Variants in FAM177A1 observed in about 807,000 individuals in gnomAD.
FAM177A1 encodes family with sequence similarity 177 member A1.
A neutral mutation model predicts 26.1 loss-of-function variants in FAM177A1; 22 were observed. The ratio of observed to expected loss-of-function variants is 0.84; its 90% CI spans 0.60 to 1.20. FAM177A1 has a LOEUF of 1.20. Among genes scored for constraint, FAM177A1 ranks in the 50% most tolerant of loss-of-function variants. The pLI is 0.00. For missense variants in FAM177A1, 296 were observed against 291.1 expected (o/e 1.02, Z -0.12); for synonymous variants, 95 against 99.3 (o/e 0.96, Z 0.26).
At chr14:35,077,822 C>T (rs1461779074) in intron 3 of FAM177A1, among the ~76,000 whole-genome samples, 1 of 152,144 alleles carries the variant, frequency 6.6e-6, no homozygotes, top group African/African-American at 2.4e-5. Flanking sequence ...TATTTTGCTG[C>T]TTTGTCATTT....
chr14:35,064,271 C>T (rs1336266433), intron 2 of FAM177A1, among the ~76,000 whole-genome samples: 1 of 151,964 alleles, frequency 6.6e-6, no homozygotes, highest in Admixed American at 6.6e-5. Flanking sequence ...CCTGTAATAC[C>T]AGCTACTCGG....
chr14:35,076,087 A>C (rs1483919394), intron 2 of FAM177A1, among the ~76,000 whole-genome samples: 4 of 152,336 alleles, frequency 2.6e-5, no homozygotes, highest in African/African-American at 9.6e-5. Context: ...CCATCCCATT[A>C]CTGGGTATAT....
chr14:35,056,778 C>A (rs1465030268), intron 2 of FAM177A1, among the ~76,000 whole-genome samples: 1 of 152,074 alleles, frequency 6.6e-6, no homozygotes, highest in Non-Finnish European at 1.5e-5. Context: ...TAAGATTGTT[C>A]CTTTTTGAGT....
intron 2 of FAM177A1, among the ~76,000 whole-genome samples, chr14:35,059,535 CTT>C (rs767772869): frequency 3.3e-5 from 4 of 120,438 alleles, no homozygotes; most frequent in Admixed American, 8.5e-5. Context: ...ATTTACATTT[CTT>C]TTTTTTTTTT....
At chr14:35,075,604 C>G (rs1369698707) in intron 2 of FAM177A1, among the ~76,000 whole-genome samples, 1 of 152,264 alleles carries the variant, frequency 6.6e-6, no homozygotes, top group African/African-American at 2.4e-5. Flanking sequence ...CAAATGGGAT[C>G]TAATTAAACT....
intron 2 of FAM177A1, among the ~76,000 whole-genome samples, chr14:35,061,568 A>T (rs1390655670): frequency 9.1e-6 from 1 of 109,574 alleles, no homozygotes; most frequent in Admixed American, 1.2e-4. Context: ...AACAATGAGA[A>T]CACATGGACA....
intron 2 of FAM177A1, among the ~76,000 whole-genome samples, chr14:35,059,061 G>T (rs1091349): frequency 0.21 from 31,712 of 151,632 alleles, 3,974 homozygotes; most frequent in Non-Finnish European, 0.29. Flanking sequence ...TCAGCCTCCC[G>T]AGTAGCTGGG....
intron 2 of FAM177A1, among the ~76,000 whole-genome samples, chr14:35,055,967 G>T (rs2045056085): frequency 1.3e-5 from 2 of 152,110 alleles, no homozygotes; most frequent in Admixed American, 6.6e-5. Context: ...GGTCAGTGAT[G>T]TTGAGCATCC....
At position 35,081,096 on chromosome 14, in the gene FAM177A1, T is replaced by G; in HGVS notation, c.579T>G (p.Thr193=). The G allele has an allele frequency of 1.2e-6, 2 of 1,613,670 alleles. No homozygotes were observed. The highest frequency in any genetic ancestry group is 1.7e-6 in the Non-Finnish European group (2 of 1,179,866). Residue 193 remains threonine, a synonymous_variant, in exon 5 of 5, where the codon ACT becomes ACG. Transcript: ENST00000280987. The stretch of plus-strand genomic sequence containing the variant: ...AATATCAACAGAATAAATTGCAGAC[T>G]GATTCCATTGTTCAGACAGATCAAC... The part of the protein sequence containing the change: ...EKQYQQNKLQ[T]DSIVQTDQPE...
At chr14:35,047,390 G>A (rs550944388) in intron 1 of FAM177A1, among the ~76,000 whole-genome samples, 33 of 152,292 alleles carry the variant, frequency 2.2e-4, no homozygotes, top group African/African-American at 7.9e-4. Flanking sequence ...AGTTCTGGCT[G>A]ACCACATTTC....
chr14:35,062,572 A>C (rs146552209), intron 2 of FAM177A1, among the ~76,000 whole-genome samples: 207 of 152,268 alleles, frequency 1.4e-3, no homozygotes, highest in African/African-American at 4.9e-3. Context: ...AAGAGAGATA[A>C]CTTGCCTCAC....
At chr14:35,079,124 G>C in intron 4 of FAM177A1, 100 bp downstream of exon 4, 1 of 728,108 alleles carries the variant, frequency 1.4e-6, no homozygotes, top group South Asian at 1.9e-5. Flanking sequence ...CCAACATGTA[G>C]CTCTCTTATG....
intron 1 of FAM177A1, chr14:35,050,723 C>T (rs1259934301): frequency 6.6e-6 from 1 of 152,128 alleles, no homozygotes; most frequent in East Asian, 1.9e-4. Context: ...GACATTAGAT[C>T]CATCCAGTTA....
At chr14:35,071,852 TC>T (rs1021375613) in intron 2 of FAM177A1, among the ~76,000 whole-genome samples, 16 of 152,252 alleles carry the variant, frequency 1.1e-4, no homozygotes, top group Admixed American at 9.2e-4. Flanking sequence ...AACTTTTTAT[TC>T]CCCCCAAACT....
At chr14:35,054,717 G>T (rs1166181112) in intron 2 of FAM177A1, 1 of 152,200 alleles carries the variant, frequency 6.6e-6, no homozygotes, top group East Asian at 1.9e-4. Context: ...GCTGACACCT[G>T]TAATCCCAGC....
chr14:35,071,003 C>CTTTCT (rs1555358665), intron 2 of FAM177A1, among the ~76,000 whole-genome samples: 2 of 145,280 alleles, frequency 1.4e-5, no homozygotes, highest in Admixed American at 6.9e-5. Context: ...TTCTTTCTTT[C>CTTTCT]TTTTTTTTTT....
intron 1 of FAM177A1, among the ~76,000 whole-genome samples, chr14:35,049,304 T>C (rs2044926294): frequency 6.6e-6 from 1 of 152,208 alleles, no homozygotes; most frequent in Non-Finnish European, 1.5e-5. Context: ...GATTGATTTA[T>C]TTGGTACCTC....
At chr14:35,066,817 A>G (rs548476298) in intron 2 of FAM177A1, among the ~76,000 whole-genome samples, 2 of 149,916 alleles carry the variant, frequency 1.3e-5, no homozygotes, top group African/African-American at 2.5e-5. Context: ...TTTTTTTGAG[A>G]CGGAGTTTTG....
chr14:35,057,008 T>C (rs547835424), intron 2 of FAM177A1, among the ~76,000 whole-genome samples: 1 of 152,318 alleles, frequency 6.6e-6, no homozygotes, highest in Admixed American at 6.5e-5. Context: ...GAGAACCACC[T>C]TTTGGTTTCA....
Sources: gnomAD v4.1 joint callset for allele counts (sites outside exome capture counted in the v4.1 genomes callset) on GRCh38, gnomAD v4.1.1 for gene constraint, MANE v1.5 for transcripts, NCBI Gene and HGNC (gene_info 2026-07-23, HGNC 2026-07-21) for gene names.